GLG1: variants seen among roughly 807,000 people sequenced by gnomAD.
GLG1 encodes the protein Golgi apparatus protein 1.
A neutral mutation model predicts 160.5 loss-of-function variants in GLG1; 38 were observed. The ratio of observed to expected loss-of-function variants is 0.24; its 90% confidence interval spans 0.18 to 0.31. The LOEUF is 0.31. GLG1 is among the 10% of genes least tolerant of loss of function. The pLI is 1.00. For missense variants in GLG1, 1,373 were observed against 1,505.2 expected (o/e 0.91, Z 1.45); for synonymous variants, 644 against 543.4 (o/e 1.19, Z -2.57).
intron 1 of GLG1, among the ~76,000 whole-genome samples, chr16:74,558,744 T>C (rs949245169): frequency 3.3e-5 from 5 of 152,246 alleles, no homozygotes; most frequent in Non-Finnish European, 5.9e-5. Flanking sequence ...ACGAGTTTCA[T>C]GGTGGATTAG....
intron 17 of GLG1, chr16:74,468,060 G>A (rs2015063689): frequency 2.0e-6 from 1 of 492,204 alleles, no homozygotes. Flanking sequence ...ACAATGCCAA[G>A]TCTACCCTGA....
chr16:74,565,345 A>G (rs1384969708), intron 1 of GLG1, among the ~76,000 whole-genome samples: 1 of 152,206 alleles, frequency 6.6e-6, no homozygotes, highest in East Asian at 1.9e-4. Flanking sequence ...CAACAATAAC[A>G]AAACAAAACT....
At chr16:74,547,011 C>T (rs1431616715) in intron 1 of GLG1, among the ~76,000 whole-genome samples, 2 of 152,074 alleles carry the variant, frequency 1.3e-5, no homozygotes, top group Admixed American at 1.3e-4. Context: ...CAACTGGTTG[C>T]TAGAACTGTC....
Position 74,503,726 on chromosome 16 carries a change from T to C in GLG1, c.579A>G (p.Glu193=), listed in dbSNP as rs1177494258. The change falls in exon 4 of 26, where the codon GAA becomes GAG. Residue 193 remains glutamate, a synonymous_variant. Coordinates refer to ENST00000422840, the MANE Select transcript of GLG1 (RefSeq NM_001145667.2). ...AAACCATGTAACCTTTTCCAACCGGTTCATCAGCACATTCTTTAATCTGCT... is the reference window on the plus strand; with the variant it reads ...AAACCATGTAACCTTTTCCAACCGGCTCATCAGCACATTCTTTAATCTGCT... ...TITEIKECAD[E]PVGKGYMVSC... 6.2e-7 allele frequency: 1 copy of C among 1,611,062 alleles called. No homozygotes were observed. The highest frequency in any genetic ancestry group is 8.5e-7 in the Non-Finnish European group (1 of 1,177,236).
At chr16:74,497,192 G>C (rs1265302085) in intron 4 of GLG1, among the ~76,000 whole-genome samples, 4 of 151,780 alleles carry the variant, frequency 2.6e-5, no homozygotes, top group African/African-American at 9.7e-5. Flanking sequence ...AGGAGGCTGA[G>C]GCAGGAGAAT....
At chr16:74,540,555 A>G (rs930223303) in intron 1 of GLG1, among the ~76,000 whole-genome samples, 1 of 151,562 alleles carries the variant, frequency 6.6e-6, no homozygotes, top group African/African-American at 2.4e-5. Context: ...AAACGTAAGG[A>G]TTGTCTTGCA....
intron 3 of GLG1, among the ~76,000 whole-genome samples, chr16:74,506,127 G>C (rs1343028146): frequency 8.5e-6 from 1 of 118,334 alleles, no homozygotes; most frequent in Non-Finnish European, 1.7e-5. Context: ...ACTTAAGTTT[G>C]AAAAGTGAAA....
At chr16:74,460,966 G>A (rs1029105589) in intron 22 of GLG1, among the ~76,000 whole-genome samples, 3 of 152,228 alleles carry the variant, frequency 2.0e-5, no homozygotes, top group Non-Finnish European at 4.4e-5. Flanking sequence ...ACATACACAG[G>A]AGTTGAGAAA....
intron 1 of GLG1, among the ~76,000 whole-genome samples, chr16:74,593,157 T>C (rs1278418071): frequency 2.0e-5 from 3 of 152,246 alleles, no homozygotes; most frequent in African/African-American, 7.2e-5. Context: ...CAAATAAATA[T>C]TCCTTTATAT....
chr16:74,504,967 T>C (rs183375909), intron 3 of GLG1, among the ~76,000 whole-genome samples: 19 of 152,324 alleles, frequency 1.2e-4, no homozygotes, highest in East Asian at 5.8e-4. Flanking sequence ...AAAGAGCCTA[T>C]TGCATTTGGG....
intron 1 of GLG1, chr16:74,552,470 A>G: frequency 4.0e-6 from 2 of 501,968 alleles, no homozygotes; most frequent in East Asian, 5.2e-5. Flanking sequence ...GTACCTTACC[A>G]ACGACTGTAT....
chr16:74,546,278 A>G (rs1156878294), intron 1 of GLG1, among the ~76,000 whole-genome samples: 3 of 152,092 alleles, frequency 2.0e-5, no homozygotes, highest in Non-Finnish European at 4.4e-5. Context: ...GTCTCTACAA[A>G]AAATACAAAA....
At chr16:74,510,009 G>A (rs1022771370) in intron 2 of GLG1, among the ~76,000 whole-genome samples, 2 of 148,050 alleles carry the variant, frequency 1.4e-5, no homozygotes, top group African/African-American at 5.0e-5. Context: ...TAAAACACTT[G>A]ACACATACAC....
At position 74,604,040 on chromosome 16, in the gene GLG1, C is replaced by G. The variant is rs569838388; in HGVS notation, c.438+2617G>C. ...GCACAGTGGCTCACAACTCTAATCC[C>G]AGCACTTTGGAAAGCCCAGCTGGGA... On this transcript the variant is annotated intron_variant, in intron 1 of 25. Coordinates refer to ENST00000422840, the MANE Select transcript of GLG1 (RefSeq NM_001145667.2). Among the ~76,000 whole-genome samples, 21 of 151,724 alleles carry G rather than the reference C, an allele frequency of 1.4e-4. 1 individual carries two copies. In the South Asian group the frequency reaches 4.4e-3, roughly 32 times the overall value.
At chr16:74,546,773 G>A (rs1165266014) in intron 1 of GLG1, among the ~76,000 whole-genome samples, 17 of 138,746 alleles carry the variant, frequency 1.2e-4, no homozygotes, top group Non-Finnish European at 2.1e-4. Context: ...GGGAAGCGGA[G>A]GTTGCAGTGA....
rs1170575393 is a variant in GLG1 at position 74,465,795 on chromosome 16, C to T, written c.2548G>A (p.Glu850Lys). The T allele has an allele frequency of 6.2e-7, 1 of 1,613,834 alleles. No homozygotes were observed. The highest frequency in any genetic ancestry group is 8.5e-7 in the Non-Finnish European group (1 of 1,179,806). The change falls in exon 19 of 26, where the codon GAA becomes AAA. Residue 850 changes from glutamate to lysine, a missense_variant. Transcript: ENST00000422840. ...CGGGTGCTTAGCTGCTTCTTGTTTTCTTTCAGACATTCGATAATCTATGGC... is the reference window on the plus strand; with the variant it reads ...CGGGTGCTTAGCTGCTTCTTGTTTTTTTTCAGACATTCGATAATCTATGGC... ...GNAQIIECLK[E>K]NKKQLSTRCH... is the part of the protein sequence containing the mutation.
rs55773213 is a variant in GLG1, at chr16:74,477,977, A to AAAACAAACAAATAAAT, written c.1828-445_1828-444insATTTATTTGTTTGTTT. Among the ~76,000 whole-genome samples, 1,198 of 140,192 alleles carry AAAACAAACAAATAAAT rather than the reference A, an allele frequency of 8.5e-3. 15 individuals carry two copies. The highest frequency in any genetic ancestry group is 0.02 in the South Asian group (71 of 3,586). 92.0% of individuals were successfully genotyped at this position (140,192 alleles called of 152,430 possible). A position where few individuals can be genotyped will look rare whatever the true frequency, so the allele number is the denominator to read the frequency against. Reference sequence around the variant, plus strand: ...AACAAGAGCGAAACTCCGTCTCAAAAAAATAAATAAATAAATAAATAAATA... The same window carrying AAAACAAACAAATAAAT: ...AACAAGAGCGAAACTCCGTCTCAAAAAAACAAACAAATAAATAAATAAATAAATAAATAAATAAATA... On this transcript the variant is annotated intron_variant, in intron 11 of 25. Coordinates refer to ENST00000422840, the MANE Select transcript of GLG1 (RefSeq NM_001145667.2).
At chr16:74,509,406 CT>C (rs1381028336) in intron 2 of GLG1, among the ~76,000 whole-genome samples, 2 of 151,956 alleles carry the variant, frequency 1.3e-5, no homozygotes, top group Non-Finnish European at 2.9e-5. Flanking sequence ...CTAAATTCTG[CT>C]TGAACCAAAA....
intron 3 of GLG1, among the ~76,000 whole-genome samples, chr16:74,505,256 C>T (rs539624971): frequency 2.0e-5 from 3 of 152,232 alleles, no homozygotes; most frequent in East Asian, 3.9e-4. Flanking sequence ...ATCCAGACCA[C>T]GTAAATAACT....
Sources: allele counts gnomAD v4.1 joint callset (sites outside exome capture counted in the v4.1 genomes callset), GRCh38; gene constraint gnomAD v4.1.1; transcripts MANE v1.5; gene names NCBI Gene and HGNC (gene_info 2026-07-23, HGNC 2026-07-21).